The following ARHGAP8 variants were observed in gnomAD, a reference collection of about 807,000 sequenced individuals.
ARHGAP8 encodes rho GTPase-activating protein 8.
Under a neutral mutation model 46.1 loss-of-function variants are expected in ARHGAP8, and 62 were observed. The ratio of observed to expected loss-of-function variants is 1.34; its 90% CI spans 1.10 to 1.66. The LOEUF is 1.66. ARHGAP8 is among the 40% of genes most tolerant of loss of function. ARHGAP8 has a pLI of 0.00. For missense variants in ARHGAP8, 923 were observed against 568.4 expected (o/e 1.62, Z -6.34); for synonymous variants, 375 against 243.1 (o/e 1.54, Z -5.05).
intron 7 of ARHGAP8, among the ~76,000 whole-genome samples, chr22:44,838,672 A>AGT (rs1284440654): frequency 2.6e-5 from 4 of 152,194 alleles, no homozygotes; most frequent in Admixed American, 6.5e-5. Flanking sequence ...CCGCCTGTTG[A>AGT]GTAGGACTCA....
intron 10 of ARHGAP8, among the ~76,000 whole-genome samples, chr22:44,852,498 C>A (rs2070122409): frequency 6.6e-6 from 1 of 152,150 alleles, no homozygotes. Flanking sequence ...GCCCAGGCTC[C>A]ATATTTGGGA....
intron 7 of ARHGAP8, among the ~76,000 whole-genome samples, chr22:44,840,527 C>T (rs780782288): frequency 4.5e-4 from 68 of 152,156 alleles, no homozygotes; most frequent in African/African-American, 1.4e-3. Flanking sequence ...TGACAAAGTA[C>T]CATAAACAGA....
In ARHGAP8 at chr22:44,847,977, G is replaced by T; in HGVS notation, c.675G>T (p.Leu225=). The part of the protein sequence containing the change: ...FTVTYLREKG[L]RTEGLFRRSA... ...CTGGAAGCTCCTCTCCTGCAGGCCTGCGCACCGAGGGCCTGTTCCGGAGAT... is the reference window on the plus strand; with the variant it reads ...CTGGAAGCTCCTCTCCTGCAGGCCTTCGCACCGAGGGCCTGTTCCGGAGAT... The change falls in exon 9 of 12, where the codon CTG becomes CTT. Residue 225 remains leucine, a synonymous_variant. Transcript: ENST00000356099. 1 of 1,607,388 alleles carries T rather than the reference G, an allele frequency of 6.2e-7. No individual in the cohort carries two copies. The highest frequency in any genetic ancestry group is 1.6e-4 in the Middle Eastern group (1 of 6,062).
At chr22:44,859,962 C>T (rs888675808) in intron 11 of ARHGAP8, 128 bp downstream of exon 11, 7 of 1,106,138 alleles carry the variant, frequency 6.3e-6, no homozygotes, top group African/African-American at 1.6e-5. Flanking sequence ...CGGAATACCA[C>T]TCCCTGCCCC....
Position 44,822,105 on chromosome 22 carries a change from G to C in ARHGAP8, c.387-266G>C, listed in dbSNP as rs547076747. On this transcript the variant is annotated intron_variant, in intron 5 of 11. Transcript: ENST00000356099. The stretch of plus-strand genomic sequence containing the variant: ...ATCTCCTATATGCAAATTCAGGGCA[G>C]ATGTAAATTGGAGGCAGATATTTAT... Among the ~76,000 whole-genome samples, 18 of 152,336 alleles carry C rather than the reference G, an allele frequency of 1.2e-4. No individual in the cohort carries two copies. The East Asian group carries it at 2.7e-3, about 23-fold the overall frequency.
At chr22:44,776,114 C>T (rs1032942322) in intron 1 of ARHGAP8, among the ~76,000 whole-genome samples, 1 of 152,184 alleles carries the variant, frequency 6.6e-6, no homozygotes, top group Non-Finnish European at 1.5e-5. Context: ...GAAGATGTCA[C>T]AAGTACAAGC....
intron 1 of ARHGAP8, among the ~76,000 whole-genome samples, chr22:44,764,726 C>T (rs764424269): frequency 7.2e-5 from 11 of 152,234 alleles, no homozygotes; most frequent in Non-Finnish European, 1.3e-4. Context: ...TGGCAGTTCA[C>T]GGGAAAGAGA....
chr22:44,809,315 AT>A, intron 4 of ARHGAP8: 1 of 415,204 alleles, frequency 2.4e-6, no homozygotes, highest in Non-Finnish European at 5.0e-6. Context: ...ATAAAAAGCC[AT>A]TTTTAGCTTG....
intron 5 of ARHGAP8, among the ~76,000 whole-genome samples, chr22:44,820,434 C>T (rs1930044376): frequency 6.6e-6 from 1 of 152,190 alleles, no homozygotes; most frequent in Non-Finnish European, 1.5e-5. Context: ...TCCTCCCGCC[C>T]ATCACACAGG....
At chr22:44,827,395 T>G (rs1454255042) in intron 7 of ARHGAP8, among the ~76,000 whole-genome samples, 1 of 126,188 alleles carries the variant, frequency 7.9e-6, no homozygotes, top group Non-Finnish European at 1.6e-5. Flanking sequence ...CAGGCTGGAG[T>G]GCGGTGGTGT....
chr22:44,765,618 C>A (rs1925494713), intron 1 of ARHGAP8, among the ~76,000 whole-genome samples: 1 of 152,146 alleles, frequency 6.6e-6, no homozygotes, highest in Non-Finnish European at 1.5e-5. Flanking sequence ...CATCGGGACC[C>A]CCTCCTGCCT....
intron 7 of ARHGAP8, among the ~76,000 whole-genome samples, chr22:44,827,981 C>T (rs1602233825): frequency 6.6e-6 from 1 of 152,160 alleles, no homozygotes; most frequent in African/African-American, 2.4e-5. Flanking sequence ...CCAGTGCTCG[C>T]GTGCGGCTAG....
chr22:44,763,420 C>T (rs1925294734), intron 1 of ARHGAP8, among the ~76,000 whole-genome samples: 1 of 144,008 alleles, frequency 6.9e-6, no homozygotes, highest in Admixed American at 7.2e-5. Flanking sequence ...TCACTTGAAC[C>T]TGGGAGGCAG....
intron 4 of ARHGAP8, among the ~76,000 whole-genome samples, chr22:44,814,206 T>C (rs2147102272): frequency 6.6e-6 from 1 of 152,316 alleles, no homozygotes; most frequent in Non-Finnish European, 1.5e-5. Context: ...CTGTATTGCA[T>C]TGAACCGGCC....
intron 1 of ARHGAP8, chr22:44,786,132 T>C (rs1927200335): frequency 2.2e-6 from 1 of 447,502 alleles, no homozygotes; most frequent in South Asian, 2.4e-5. Flanking sequence ...ATGGCTGAGG[T>C]AGGTCGCATA....
intron 1 of ARHGAP8, among the ~76,000 whole-genome samples, chr22:44,775,252 A>G (rs948613557): frequency 1.3e-5 from 2 of 152,204 alleles, no homozygotes; most frequent in African/African-American, 4.8e-5. Flanking sequence ...CGTTTTATGT[A>G]CCATATGAGC....
Position 44,862,276 on chromosome 22 carries a change from T to G in ARHGAP8, c.983T>G (p.Val328Gly), listed in dbSNP as rs2070530724. 1 of 1,587,238 alleles carries G rather than the reference T, an allele frequency of 6.3e-7. No homozygotes were observed. Among genetic ancestry groups the G allele is most frequent in the East Asian group, 2.3e-5 (1 of 44,384 alleles). The change falls in exon 12 of 12, where the codon GTG becomes GGG. Residue 328 changes from valine (V) to glycine (G), a missense_variant and splice_region_variant. Coordinates refer to ENST00000356099, the MANE Select transcript of ARHGAP8 (RefSeq NM_181335.3). Reference protein sequence around the residue: ...LRYLMGFLHAVSRESIFNKMN... With the variant: ...LRYLMGFLHAGSRESIFNKMN... ...TTACTTGTGTGTGGTTTCCTCCAGG[T>G]GTCCCGGGAGAGCATCTTCAACAAA...
chr22:44,762,652 T>C (rs1925227757), intron 1 of ARHGAP8, among the ~76,000 whole-genome samples: 1 of 150,940 alleles, frequency 6.6e-6, no homozygotes, highest in Non-Finnish European at 1.5e-5. Context: ...CAAGCGATTC[T>C]CCTGCCTCAG....
At chr22:44,827,344 T>TTTTTG (rs1212617493) in intron 7 of ARHGAP8, among the ~76,000 whole-genome samples, 7 of 117,056 alleles carry the variant, frequency 6.0e-5, no homozygotes, top group African/African-American at 2.6e-4. Flanking sequence ...TGGTTTTTTT[T>TTTTTG]TTTTTTTTTT....
Sources: gnomAD v4.1 joint callset for allele counts (sites outside exome capture counted in the v4.1 genomes callset) on GRCh38, gnomAD v4.1.1 for gene constraint, MANE v1.5 for transcripts, NCBI Gene and HGNC (gene_info 2026-07-23, HGNC 2026-07-21) for gene names.